The following HOMER1 variants were observed in gnomAD, a reference collection of about 807,000 sequenced individuals.
The protein encoded by HOMER1 is homer protein homolog 1.
HOMER1 carries 3 observed loss-of-function variants against 48.9 expected under a neutral mutation model. That is an observed-to-expected ratio of 0.06 (90% CI 0.03 to 0.16). The LOEUF (loss-of-function observed/expected upper bound fraction) is 0.16, where lower values mean the gene tolerates loss of function less well. Ranked by LOEUF, HOMER1 falls within the 10% of genes least tolerant of loss-of-function variation. HOMER1 has a pLI of 1.00. For missense variants in HOMER1, 247 were observed against 411.4 expected (o/e 0.60, Z 3.46); for synonymous variants, 134 against 146.4 (o/e 0.92, Z 0.61).
chr5:79,490,792 A>AAAAAAC lies in HOMER1; in HGVS notation c.5+21977_5+21978insGTTTTT, dbSNP rs148573552. 1.2e-4 allele frequency among the ~76,000 whole-genome samples: 18 copies of AAAAAAC among 145,974 alleles called. 1 individual carries two copies. Among genetic ancestry groups the AAAAAAC allele is most frequent in the African/African-American group, 4.5e-4 (17 of 37,996 alleles). On this transcript the variant is annotated intron_variant, in intron 1 of 8. Transcript: ENST00000334082. The stretch of plus-strand genomic sequence containing the variant: ...ACCAAAAAAAAAAACAAAAAAAAAA[A>AAAAAAC]CCATAAAAAAATTAGCCAGGCATGG...
At chr5:79,435,864 C>T (rs1395685979) in intron 5 of HOMER1, among the ~76,000 whole-genome samples, 10 of 149,554 alleles carry the variant, frequency 6.7e-5, no homozygotes, top group Admixed American at 5.4e-4. Context: ...CGGTGGCTCA[C>T]GCCTGTAATC....
intron 1 of HOMER1, among the ~76,000 whole-genome samples, chr5:79,501,139 G>A (rs1473866107): frequency 6.6e-6 from 1 of 151,254 alleles, no homozygotes; most frequent in Non-Finnish European, 1.5e-5. Context: ...CCTGGCTAAT[G>A]TTTGTATTTT....
intron 5 of HOMER1, among the ~76,000 whole-genome samples, chr5:79,429,933 G>T (rs1439480278): frequency 6.6e-6 from 1 of 151,708 alleles, no homozygotes; most frequent in East Asian, 1.9e-4. Flanking sequence ...TGAGGCAGGG[G>T]AATGGCATGA....
At chr5:79,396,002 A>G (rs1749372978) in intron 8 of HOMER1, among the ~76,000 whole-genome samples, 1 of 152,040 alleles carries the variant, frequency 6.6e-6, no homozygotes, top group African/African-American at 2.4e-5. Flanking sequence ...ACATATACTT[A>G]TTTCTACTCC....
chr5:79,502,387 T>C (rs1448046873), intron 1 of HOMER1, among the ~76,000 whole-genome samples: 11 of 152,054 alleles, frequency 7.2e-5, no homozygotes, highest in Non-Finnish European at 2.9e-5. Context: ...CAAGAGAAGT[T>C]CTCTTTTTAA....
chr5:79,442,660 C>CATTTAACAAACATTCATGGAAG (rs933074444), intron 4 of HOMER1, among the ~76,000 whole-genome samples: 2 of 152,184 alleles, frequency 1.3e-5, no homozygotes, highest in Non-Finnish European at 2.9e-5. Context: ...CTCTCTTTAC[C>CATTTAACAAACATTCATGGAAG]ATTTAACAAA....
At chr5:79,427,801 TTTCC>T (rs964036800) in intron 5 of HOMER1, among the ~76,000 whole-genome samples, 11 of 141,548 alleles carry the variant, frequency 7.8e-5, no homozygotes, top group East Asian at 5.9e-4. Context: ...CCTTCCTTCC[TTTCC>T]TTCCTTCCTT....
chr5:79,481,872 A>G (rs1751955456), intron 1 of HOMER1, among the ~76,000 whole-genome samples: 1 of 152,244 alleles, frequency 6.6e-6, no homozygotes, highest in South Asian at 2.1e-4. Flanking sequence ...TGAAAAGATC[A>G]TACTGTTTCC....
intron 8 of HOMER1, among the ~76,000 whole-genome samples, chr5:79,389,040 T>A (rs1749184591): frequency 6.6e-6 from 1 of 152,018 alleles, no homozygotes; most frequent in Admixed American, 6.5e-5. Context: ...AGTATATCAT[T>A]TAAACTTTAT....
chr5:79,426,455 C>T (rs563718805), intron 5 of HOMER1, among the ~76,000 whole-genome samples: 2 of 152,022 alleles, frequency 1.3e-5, no homozygotes, highest in African/African-American at 4.8e-5. Context: ...CAATGGAGTA[C>T]GATTCTGCCA....
intron 1 of HOMER1, among the ~76,000 whole-genome samples, chr5:79,480,502 C>T (rs1328503103): frequency 1.3e-5 from 2 of 152,160 alleles, no homozygotes; most frequent in Admixed American, 1.3e-4. Context: ...ACTTAAATTT[C>T]TTCTTTGCTT....
chr5:79,432,079 T>C (rs565951811), intron 5 of HOMER1, among the ~76,000 whole-genome samples: 2 of 152,360 alleles, frequency 1.3e-5, no homozygotes, highest in Non-Finnish European at 2.9e-5. Flanking sequence ...CTGTCACATA[T>C]ATCACAAATG....
chr5:79,490,781 C>A (rs9764713), intron 1 of HOMER1, among the ~76,000 whole-genome samples: 9,996 of 127,200 alleles, frequency 0.079, 927 homozygotes, highest in East Asian at 0.22. Flanking sequence ...AAAAAAAAAA[C>A]AAAAAAAAAA....
chr5:79,441,330 T>C (rs1393556436), intron 4 of HOMER1, among the ~76,000 whole-genome samples: 1 of 152,106 alleles, frequency 6.6e-6, no homozygotes, highest in Non-Finnish European at 1.5e-5. Context: ...CTCATGGTTG[T>C]TACCATCTTC....
chr5:79,465,061 G>A (rs1751418604), intron 1 of HOMER1, among the ~76,000 whole-genome samples: 1 of 152,024 alleles, frequency 6.6e-6, no homozygotes, highest in African/African-American at 2.4e-5. Flanking sequence ...ATCTGGCCAG[G>A]CACAGTGGCT....
At position 79,457,082 on chromosome 5, in the gene HOMER1, A is replaced by T. The variant is rs1751195295; in HGVS notation, c.6-64T>A. ...CAGTTTTATTTCACTAGACAAGAGA[A>T]CATGAAAACTGCAAGGATGATTCTG... On this transcript the variant is annotated intron_variant, in intron 1 of 8. Transcript: ENST00000334082. 3 of 1,439,458 alleles carry T rather than the reference A, an allele frequency of 2.1e-6. No individual in the cohort carries two copies. In the Admixed American group the frequency reaches 5.1e-5, roughly 25 times the overall value. 89.2% of individuals were successfully genotyped at this position (1,439,458 alleles called of 1,614,324 possible).
chr5:79,422,420 G>T (rs1750126510), intron 5 of HOMER1, among the ~76,000 whole-genome samples: 2 of 151,570 alleles, frequency 1.3e-5, no homozygotes, highest in Admixed American at 6.6e-5. Context: ...TTTATATTTG[G>T]TCTCCATATG....
intron 5 of HOMER1, among the ~76,000 whole-genome samples, chr5:79,402,964 T>C (rs1417546822): frequency 6.6e-6 from 1 of 152,186 alleles, no homozygotes; most frequent in Non-Finnish European, 1.5e-5. Context: ...TCTGATATAA[T>C]TCCAGTGTCA....
chr5:79,426,184 T>G (rs1036876100), intron 5 of HOMER1, among the ~76,000 whole-genome samples: 1 of 152,102 alleles, frequency 6.6e-6, no homozygotes, highest in African/African-American at 2.4e-5. Flanking sequence ...GAAAGGTATA[T>G]TAGTACAGCC....
Sources: allele counts gnomAD v4.1 joint callset (sites outside exome capture counted in the v4.1 genomes callset), GRCh38; gene constraint gnomAD v4.1.1; transcripts MANE v1.5; gene names NCBI Gene and HGNC (gene_info 2026-07-23, HGNC 2026-07-21).